The following ZNF665 variants were observed in gnomAD, a reference collection of about 807,000 sequenced individuals.
The protein encoded by ZNF665 is zinc finger protein 665.
A neutral mutation model predicts 7.9 loss-of-function variants in ZNF665; 6 were observed. That is an observed-to-expected ratio of 0.76 (90% CI 0.42 to 1.50). ZNF665 has a LOEUF of 1.50. Ranked by LOEUF, ZNF665 falls within the 40% of genes most tolerant of loss-of-function variation. The pLI is 0.01. For synonymous variants in ZNF665, 242 were observed against 274.5 expected, an observed-to-expected ratio of 0.88 and a Z score of 1.17; for missense variants, 819 against 806.7, an observed-to-expected ratio of 1.02 and a Z score of -0.18.
At position 53,174,991 on chromosome 19, in the gene ZNF665, G is replaced by T. The variant is rs374683824; in HGVS notation, c.142+454C>A. On this transcript the variant is annotated intron_variant, in intron 3 of 3. Coordinates refer to ENST00000396424, the MANE Select transcript of ZNF665 (RefSeq NM_024733.5). ...GAAAAGAAAGAAAGAAAAAAAAAAAGAAATATAATGTGCTGTGGCTTTTCC... is the reference window on the plus strand; with the variant it reads ...GAAAAGAAAGAAAGAAAAAAAAAAATAAATATAATGTGCTGTGGCTTTTCC... Among the ~76,000 whole-genome samples the T allele has an allele frequency of 2.3e-5, 3 of 132,270 alleles. No individual in the cohort carries two copies. The South Asian group carries it at 7.5e-4, about 33-fold the overall frequency. The allele number at this position is 132,270 out of a possible 152,430, so 86.8% of individuals were successfully genotyped here. A position where few individuals can be genotyped will look rare whatever the true frequency, so the allele number is the denominator to read the frequency against.
In ZNF665 at chr19:53,190,634, C is replaced by T. The variant is rs146642884; in HGVS notation, c.-46+2678G>A. Among the ~76,000 whole-genome samples the T allele has an allele frequency of 5.0e-3, 754 of 152,270 alleles. 10 individuals carry two copies. The highest frequency in any genetic ancestry group is 0.017 in the African/African-American group (726 of 41,546). The stretch of plus-strand genomic sequence containing the variant: ...ATTCATCTGTATGCTTCGTAGTATC[C>T]TTTATAACAATTAGGTAGGCCGGGT... On this transcript the variant is annotated intron_variant, in intron 1 of 3. Transcript: ENST00000396424.
intron 1 of ZNF665, among the ~76,000 whole-genome samples, chr19:53,192,976 T>A (rs4258731): frequency 6.6e-6 from 1 of 152,136 alleles, no homozygotes; most frequent in Non-Finnish European, 1.5e-5. Flanking sequence ...CTCCAGTAGC[T>A]GACTAGGGCG....
rs550775146 is a variant in ZNF665 at position 53,164,429 on chromosome 19, C to T, written c.*24G>A. The stretch of plus-strand genomic sequence containing the variant: ...CTGGGATTACAGGCGTGAGCCACCA[C>T]GCCCGGCGTCCTTTGTAAGGTTTCT... On this transcript the variant is annotated 3_prime_UTR_variant, in exon 4 of 4. Transcript: ENST00000396424. 104 of 1,523,352 alleles carry T rather than the reference C, an allele frequency of 6.8e-5. No individual in the cohort carries two copies. Among genetic ancestry groups the T allele is most frequent in the East Asian group, 5.5e-4 (24 of 43,800 alleles). The allele number at this position is 1,523,352 out of a possible 1,614,324, so 94.4% of individuals were successfully genotyped here. A position where few individuals can be genotyped will look rare whatever the true frequency, so the allele number is the denominator to read the frequency against.
Position 53,164,587 on chromosome 19 carries a change from A to AG in ZNF665, c.1902dup (p.Phe635LeufsTer23). The AG allele has an allele frequency of 6.2e-7, 1 of 1,614,158 alleles. No homozygotes were observed. Among genetic ancestry groups the AG allele is most frequent in the South Asian group, 1.1e-5 (1 of 91,086 alleles). ...GTAGTTAGGGTTGAACGAACACTGA[A>AG]GGCTTTCCCACACTCATTACACCTA... is the stretch of plus-strand genomic sequence containing the variant. On this transcript the variant is annotated frameshift_variant, in exon 4 of 4. Transcript: ENST00000396424. LOFTEE classifies it low-confidence loss of function (END_TRUNC).
chr19:53,189,421 G>A (rs1299327709), intron 1 of ZNF665, among the ~76,000 whole-genome samples: 6 of 149,796 alleles, frequency 4.0e-5, no homozygotes, highest in African/African-American at 1.5e-4. Context: ...GGTAAAGAGT[G>A]TGAGTCACCT....
At chr19:53,189,521 C>A (rs200566077) in intron 1 of ZNF665, among the ~76,000 whole-genome samples, 1 of 146,776 alleles carries the variant, frequency 6.8e-6, no homozygotes, top group African/African-American at 2.5e-5. Context: ...GGAGAGGAGA[C>A]AGAGAGAAAG....
chr19:53,192,841 C>T (rs572652454), intron 1 of ZNF665, among the ~76,000 whole-genome samples: 32 of 152,164 alleles, frequency 2.1e-4, no homozygotes, highest in Admixed American at 1.8e-3. Context: ...TAGGGAGCAG[C>T]AGGGCCCGGC....
intron 2 of ZNF665, among the ~76,000 whole-genome samples, chr19:53,178,560 C>T (rs187874864): frequency 2.4e-4 from 37 of 151,458 alleles, no homozygotes; most frequent in Non-Finnish European, 3.7e-4. Flanking sequence ...CTTGTTTCTA[C>T]AAAAAAGTAA....
At chr19:53,172,031 G>A (rs946191347) in intron 3 of ZNF665, among the ~76,000 whole-genome samples, 2 of 152,184 alleles carry the variant, frequency 1.3e-5, no homozygotes, top group African/African-American at 4.8e-5. Context: ...TGGGATTACA[G>A]GTGTGAGCCA....
rs781368210 is a variant in ZNF665, at chr19:53,164,682, C to T, written c.1808G>A (p.Cys603Tyr). ...TGAATTTTGAGTGAAGACCTTGCCA[C>T]ATTCATTACATTTGTAAGGTTTTTC... ...TGEKPYKCNE[C>Y]GKVFTQNSHL... Residue 603 changes from cysteine (C) to tyrosine (Y), a missense_variant, in exon 4 of 4, where the codon TGT (cysteine) becomes TAT (tyrosine). By Grantham distance (194) the Cys-to-Tyr change is radical. Coordinates refer to ENST00000396424, the MANE Select transcript of ZNF665 (RefSeq NM_024733.5). 1.9e-6 allele frequency: 3 copies of T among 1,612,840 alleles called. No homozygotes were observed. Among genetic ancestry groups the T allele is most frequent in the East Asian group, 4.5e-5 (2 of 44,852 alleles).
Position 53,165,822 on chromosome 19 carries a change from A to T in ZNF665, c.668T>A (p.Ile223Asn), listed in dbSNP as rs1053132771. 1.4e-5 allele frequency: 23 copies of T among 1,613,330 alleles called. No individual in the cohort carries two copies. The highest frequency in any genetic ancestry group is 1.9e-5 in the Non-Finnish European group (22 of 1,179,826). ...KAFTVRSNLT[I>N]HQVIHTGEKP... Reference sequence around the variant, plus strand: ...TTCTCCAGTATGGATGACCTGATGGATTGTTAGGTTTGAACGAACAGTAAA... The same window carrying T: ...TTCTCCAGTATGGATGACCTGATGGTTTGTTAGGTTTGAACGAACAGTAAA... The change falls in exon 4 of 4, where the codon ATC becomes AAC. Residue 223 changes from isoleucine to asparagine, a missense_variant. Physicochemically the swap from Ile to Asn is moderately radical, Grantham distance 149. Coordinates refer to ENST00000396424, the MANE Select transcript of ZNF665 (RefSeq NM_024733.5).
At chr19:53,177,029 G>C (rs1019980932) in intron 2 of ZNF665, among the ~76,000 whole-genome samples, 3 of 152,262 alleles carry the variant, frequency 2.0e-5, no homozygotes, top group Admixed American at 6.5e-5. Context: ...TGAAGCCGGA[G>C]AATCATTTGA....
chr19:53,192,340 C>T (rs938809482), intron 1 of ZNF665, among the ~76,000 whole-genome samples: 2 of 152,092 alleles, frequency 1.3e-5, no homozygotes, highest in African/African-American at 4.8e-5. Flanking sequence ...CACCAGCTGC[C>T]CCTTCTTGCT....
intron 1 of ZNF665, among the ~76,000 whole-genome samples, chr19:53,189,795 C>T (rs1425070609): frequency 1.3e-5 from 2 of 151,770 alleles, no homozygotes; most frequent in Non-Finnish European, 2.9e-5. Context: ...CTCCCTTCCC[C>T]AGTCTGCTAA....
In ZNF665 at chr19:53,176,043, C is replaced by T. The variant is rs189060978; in HGVS notation, c.16-472G>A. 2.1e-3 allele frequency among the ~76,000 whole-genome samples: 323 copies of T among 152,236 alleles called. 1 individual carries two copies. Among genetic ancestry groups the T allele is most frequent in the African/African-American group, 7.4e-3 (309 of 41,550 alleles). On this transcript the variant is annotated intron_variant, in intron 2 of 3. Coordinates refer to ENST00000396424, the MANE Select transcript of ZNF665 (RefSeq NM_024733.5). ...GGGCATGGTGGTGCGTACCTGCAAT[C>T]CCAGCTACTCAGGAGGCTGAGGCAG...
At chr19:53,191,579 C>A (rs2090817041) in intron 1 of ZNF665, 1 of 152,208 alleles carries the variant, frequency 6.6e-6, no homozygotes, top group Non-Finnish European at 1.5e-5. Flanking sequence ...CACAGTGGCT[C>A]ATGCCTGTAA....
chr19:53,189,189 T>G (rs2090794947), intron 1 of ZNF665, among the ~76,000 whole-genome samples: 1 of 151,784 alleles, frequency 6.6e-6, no homozygotes, highest in Admixed American at 6.6e-5. Context: ...GAGACTGTGG[T>G]GCAAAACTGA....
rs147087541 is a variant in ZNF665 at position 53,184,793 on chromosome 19, G to A, written c.-45-1850C>T. 7.3e-3 allele frequency among the ~76,000 whole-genome samples: 1,093 copies of A among 150,730 alleles called. 28 individuals are homozygous for A. The highest frequency in any genetic ancestry group is 0.026 in the African/African-American group (1,062 of 41,418). On this transcript the variant is annotated intron_variant, in intron 1 of 3. Coordinates refer to ENST00000396424, the MANE Select transcript of ZNF665 (RefSeq NM_024733.5). ...GTAGTGGCCCCGAATGCCAGGCCGC[G>A]CTGATATTTATTGGATACAAGACAA...
chr19:53,165,824 T>C lies in ZNF665; in HGVS notation c.666A>G (p.Thr222=). The C allele has an allele frequency of 1.2e-6, 2 of 1,613,310 alleles. No homozygotes were observed. Among genetic ancestry groups the C allele is most frequent in the Non-Finnish European group, 1.7e-6 (2 of 1,179,772 alleles). ...CTCCAGTATGGATGACCTGATGGATTGTTAGGTTTGAACGAACAGTAAAGG... is the reference window on the plus strand; with the variant it reads ...CTCCAGTATGGATGACCTGATGGATCGTTAGGTTTGAACGAACAGTAAAGG... ...GKAFTVRSNL[T]IHQVIHTGEK... The change falls in exon 4 of 4, where the codon ACA becomes ACG. Residue 222 remains threonine (T), a synonymous_variant. Coordinates refer to ENST00000396424, the MANE Select transcript of ZNF665 (RefSeq NM_024733.5).
Sources: allele counts gnomAD v4.1 joint callset (sites outside exome capture counted in the v4.1 genomes callset), GRCh38; gene constraint gnomAD v4.1.1; transcripts MANE v1.5; gene names NCBI Gene and HGNC (gene_info 2026-07-23, HGNC 2026-07-21).